Variants in MAST2 observed in about 807,000 individuals in gnomAD.
MAST2 encodes the protein microtubule-associated serine/threonine-protein kinase 2.
Under a neutral mutation model 147.4 loss-of-function variants are expected in MAST2, and 70 were observed. The observed-to-expected ratio is 0.47, with a 90% CI of 0.39 to 0.58. MAST2 has a LOEUF of 0.58. MAST2 is among the 20% of genes least tolerant of loss of function. The probability of loss-of-function intolerance (pLI) is 0.00; values close to 1 mark genes in which losing one functional copy is unlikely to be tolerated. For missense variants in MAST2, 2,080 were observed against 2,302.3 expected (o/e 0.90, Z 1.98); for synonymous variants, 869 against 896.8 (o/e 0.97, Z 0.55).
chr1:45,817,000 C>T (rs150258330), intron 1 of MAST2, among the ~76,000 whole-genome samples: 6,903 of 151,848 alleles, frequency 0.045, 505 homozygotes, highest in African/African-American at 0.15. Flanking sequence ...TTAGTGAGCT[C>T]GAAGACAGGC....
chr1:46,003,246 C>T, intron 7 of MAST2, among the ~76,000 whole-genome samples: 1 of 152,172 alleles, frequency 6.6e-6, no homozygotes, highest in Admixed American at 6.5e-5. Flanking sequence ...AGCAGATCAC[C>T]TTTCTCATAT....
intron 4 of MAST2, among the ~76,000 whole-genome samples, chr1:45,923,691 AT>A (rs1653907255): frequency 1.3e-5 from 2 of 152,166 alleles, no homozygotes; most frequent in Admixed American, 6.5e-5. Context: ...CATCTGAGAT[AT>A]TTTCATTATG....
chr1:45,900,208 G>T (rs1649537555), intron 4 of MAST2, among the ~76,000 whole-genome samples: 1 of 129,850 alleles, frequency 7.7e-6, no homozygotes, highest in African/African-American at 3.1e-5. Flanking sequence ...TTTACCCTTG[G>T]GTAGATAGCC....
chr1:45,926,753 T>TG (rs1557917050), intron 4 of MAST2, among the ~76,000 whole-genome samples: 1 of 152,114 alleles, frequency 6.6e-6, no homozygotes, highest in East Asian at 1.9e-4. Context: ...TGATTTTTTT[T>TG]TTTTGTTTTT....
chr1:45,980,411 A>T (rs1644360618), intron 5 of MAST2, among the ~76,000 whole-genome samples: 1 of 152,206 alleles, frequency 6.6e-6, no homozygotes, highest in Admixed American at 6.5e-5. Flanking sequence ...CCTCAGCATC[A>T]CGCAATATAC....
chr1:46,013,264 A>G (rs192473221), intron 10 of MAST2, among the ~76,000 whole-genome samples: 4 of 152,320 alleles, frequency 2.6e-5, no homozygotes, highest in Non-Finnish European at 1.5e-5. Flanking sequence ...TTTAAGTAGC[A>G]AAACCAGGAC....
intron 5 of MAST2, among the ~76,000 whole-genome samples, chr1:45,992,805 C>T (rs1041357000): frequency 6.6e-6 from 1 of 151,994 alleles, no homozygotes; most frequent in African/African-American, 2.4e-5. Context: ...TGTCTACCAC[C>T]TCCCTATTTG....
intron 10 of MAST2, among the ~76,000 whole-genome samples, chr1:46,018,387 A>G (rs926715765): frequency 6.6e-6 from 1 of 151,978 alleles, no homozygotes; most frequent in Non-Finnish European, 1.5e-5. Flanking sequence ...TGACTTCCCT[A>G]TATTGGTTCT....
intron 4 of MAST2, among the ~76,000 whole-genome samples, chr1:45,927,135 A>G (rs1393085513): frequency 2.0e-5 from 3 of 152,168 alleles, no homozygotes; most frequent in East Asian, 1.9e-4. Flanking sequence ...GAGTGTGCGA[A>G]TAGGTGTGGG....
chr1:45,984,186 T>C (rs1392985378), intron 5 of MAST2, among the ~76,000 whole-genome samples: 1 of 152,212 alleles, frequency 6.6e-6, no homozygotes, highest in Non-Finnish European at 1.5e-5. Flanking sequence ...TAAAAATTTA[T>C]CATCCCTTGG....
rs1646479045 is a variant in MAST2, at chr1:46,027,823, G to A, written c.2012G>A (p.Gly671Asp). 1 of 1,614,026 alleles carries A rather than the reference G, an allele frequency of 6.2e-7. No individual in the cohort carries two copies. The highest frequency in any genetic ancestry group is 1.7e-5 in the Admixed American group (1 of 59,998). Residue 671 changes from glycine (G) to aspartate (D), a missense_variant, in exon 17 of 29, where the codon GGT (glycine) becomes GAT (aspartate). Physicochemically the swap from Gly to Asp is moderately conservative, Grantham distance 94. Around this residue, in one of 4 missense-constraint regions of MAST2, gnomAD observed 209 missense variants for 309.5 expected, o/e 0.68. Coordinates refer to ENST00000361297, the MANE Select transcript of MAST2 (RefSeq NM_015112.3). ...LMSLTTNLYE[G>D]HIEKDAREFL... is the part of the protein sequence containing the mutation. ...AGTCTGACAACGAACTTGTATGAGGGTCATATTGAAAAGGATGCCCGGGAA... is the reference window on the plus strand; with the variant it reads ...AGTCTGACAACGAACTTGTATGAGGATCATATTGAAAAGGATGCCCGGGAA...
intron 1 of MAST2, 148 bp downstream of exon 1, chr1:45,804,220 A>C: frequency 9.9e-7 from 1 of 1,008,286 alleles, no homozygotes; most frequent in Non-Finnish European, 1.3e-6. Context: ...AGGCCGAGAA[A>C]TGGGGAGTGG....
intron 3 of MAST2, among the ~76,000 whole-genome samples, chr1:45,880,318 G>A (rs139031724): frequency 2.0e-4 from 30 of 152,292 alleles, no homozygotes; most frequent in Non-Finnish European, 2.6e-4. Context: ...TATTTGTATG[G>A]TTCCATTCAT....
chr1:45,839,129 A>ATTTTTTT (rs370950575), intron 3 of MAST2, among the ~76,000 whole-genome samples: 22 of 127,622 alleles, frequency 1.7e-4, no homozygotes, highest in East Asian at 2.3e-4. Flanking sequence ...ACCATCACAA[A>ATTTTTTT]TTTTTTTTTT....
intron 4 of MAST2, among the ~76,000 whole-genome samples, chr1:45,948,032 C>T (rs1658342414): frequency 6.6e-6 from 1 of 152,096 alleles, no homozygotes; most frequent in South Asian, 2.1e-4. Context: ...GCTTCTTAAG[C>T]TGATAAACAA....
At chr1:45,836,457 T>G in intron 3 of MAST2, among the ~76,000 whole-genome samples, 1 of 152,178 alleles carries the variant, frequency 6.6e-6, no homozygotes, top group East Asian at 1.9e-4. Flanking sequence ...ATTCTTATTT[T>G]AATTTATATT....
intron 5 of MAST2, among the ~76,000 whole-genome samples, chr1:45,963,119 C>T (rs953128825): frequency 1.3e-5 from 2 of 152,058 alleles, no homozygotes; most frequent in African/African-American, 2.4e-5. Context: ...TTCCATTGGT[C>T]GATATCTCTG....
At chr1:45,816,203 G>T (rs374872616) in intron 1 of MAST2, among the ~76,000 whole-genome samples, 98 of 66,000 alleles carry the variant, frequency 1.5e-3, no homozygotes, top group African/African-American at 4.9e-3. Flanking sequence ...TTGGGGGTGG[G>T]GGGGAGAGAG....
At chr1:46,002,714 A>T in intron 6 of MAST2, 91 bp from the exon 7 acceptor site, 1 of 1,087,168 alleles carries the variant, frequency 9.2e-7, no homozygotes, top group East Asian at 2.4e-5. Flanking sequence ...CAGTGAATCA[A>T]CTGCCCCCAA....
Sources: gnomAD v4.1 joint callset for allele counts (sites outside exome capture counted in the v4.1 genomes callset) on GRCh38, gnomAD v4.1.1 for gene constraint, gnomAD v4.1.1 regional missense constraint, MANE v1.5 for transcripts, NCBI Gene and HGNC (gene_info 2026-07-23, HGNC 2026-07-21) for gene names.